The following ASIC2 variants were observed in gnomAD, a reference collection of about 807,000 sequenced individuals.
The protein encoded by ASIC2 is acid sensing ion channel subunit 2, also known as acid-sensing ion channel 2.
A neutral mutation model predicts 57.3 loss-of-function variants in ASIC2; 25 were observed. That is an observed-to-expected ratio of 0.44 (90% confidence interval 0.32 to 0.61). ASIC2 has a LOEUF of 0.61. ASIC2 is among the 20% of genes least tolerant of loss of function. The pLI, the probability that ASIC2 is intolerant of heterozygous loss-of-function variation, is 0.06. For missense variants in ASIC2, 641 were observed against 738.1 expected (o/e 0.87, Z 1.52); for synonymous variants, 319 against 307.5 (o/e 1.04, Z -0.39).
intron 3 of ASIC2, among the ~76,000 whole-genome samples, chr17:33,069,946 G>T (rs2092060951): frequency 6.6e-6 from 1 of 152,076 alleles, no homozygotes; most frequent in African/African-American, 2.4e-5. Flanking sequence ...TCCAACTGCA[G>T]TAAATGAAGA....
chr17:33,982,209 G>A (rs1489876403), intron 1 of ASIC2, among the ~76,000 whole-genome samples: 2 of 152,198 alleles, frequency 1.3e-5, no homozygotes, highest in Non-Finnish European at 2.9e-5. Context: ...TTGCAGCACT[G>A]GGCTGAGAGC....
chr17:34,009,287 T>C (rs1906633905), intron 1 of ASIC2, among the ~76,000 whole-genome samples: 1 of 152,116 alleles, frequency 6.6e-6, no homozygotes, highest in Admixed American at 6.5e-5. Flanking sequence ...ATTCCTTGTG[T>C]CTAGCAGCAG....
intron 1 of ASIC2, among the ~76,000 whole-genome samples, chr17:33,214,014 T>C (rs1436881671): frequency 6.6e-6 from 1 of 151,878 alleles, no homozygotes; most frequent in Non-Finnish European, 1.5e-5. Context: ...GATGGTATAA[T>C]GTGCACACTT....
intron 1 of ASIC2, among the ~76,000 whole-genome samples, chr17:33,881,390 A>G (rs1914696741): frequency 1.3e-5 from 2 of 152,118 alleles, no homozygotes; most frequent in Non-Finnish European, 2.9e-5. Flanking sequence ...ATCTCCTTAA[A>G]CTGATAGGCA....
chr17:33,743,181 T>A lies in ASIC2; in HGVS notation c.555+412797A>T, dbSNP rs539713476. ...CAAGCAACACTGGTGAAACTACTTT[T>A]AAAAAAATCCAAATTATTTAAAGTC... On this transcript the variant is annotated intron_variant, in intron 1 of 9. Transcript: ENST00000359872. Among the ~76,000 whole-genome samples the A allele has an allele frequency of 6.4e-4, 98 of 152,360 alleles. 1 individual carries two copies. Among genetic ancestry groups the A allele is most frequent in the African/African-American group, 1.9e-3 (80 of 41,580 alleles).
intron 1 of ASIC2, among the ~76,000 whole-genome samples, chr17:33,216,001 A>T (rs768881623): frequency 6.6e-6 from 1 of 152,250 alleles, no homozygotes; most frequent in African/African-American, 2.4e-5. Context: ...GCCCGGCCAC[A>T]TGTGGCTTTT....
intron 1 of ASIC2, among the ~76,000 whole-genome samples, chr17:33,887,388 T>C (rs1025452461): frequency 6.6e-6 from 1 of 151,972 alleles, no homozygotes; most frequent in Non-Finnish European, 1.5e-5. Flanking sequence ...CTCTTTGGGG[T>C]CCTAGAAGAA....
chr17:33,074,487 A>C (rs563072148), intron 3 of ASIC2, among the ~76,000 whole-genome samples: 2 of 151,998 alleles, frequency 1.3e-5, no homozygotes, highest in African/African-American at 4.8e-5. Context: ...TTCCTTCCCG[A>C]GCACCTGGGG....
At chr17:34,035,262 G>A (rs1358127531) in intron 1 of ASIC2, among the ~76,000 whole-genome samples, 2 of 145,154 alleles carry the variant, frequency 1.4e-5, no homozygotes, top group African/African-American at 5.5e-5. Context: ...AATGGGGAAA[G>A]GATTCCCTAT....
At chr17:33,870,212 A>T in intron 1 of ASIC2, among the ~76,000 whole-genome samples, 2 of 134,336 alleles carry the variant, frequency 1.5e-5, no homozygotes, top group African/African-American at 2.8e-5. Context: ...GTGGGCTGTG[A>T]TGAGAAATTC....
At chr17:33,197,893 C>T (rs112977029) in intron 1 of ASIC2, among the ~76,000 whole-genome samples, 2 of 152,232 alleles carry the variant, frequency 1.3e-5, no homozygotes, top group Admixed American at 6.5e-5. Context: ...TAGTTGTTGG[C>T]TGGATTCAAA....
intron 1 of ASIC2, among the ~76,000 whole-genome samples, chr17:33,703,233 G>A (rs1396857860): frequency 6.6e-6 from 1 of 152,174 alleles, no homozygotes; most frequent in African/African-American, 2.4e-5. Context: ...TGAGGCTGGA[G>A]AGATGGGAGC....
intron 1 of ASIC2, among the ~76,000 whole-genome samples, chr17:34,044,126 G>A (rs62058977): frequency 0.018 from 921 of 51,704 alleles, 11 homozygotes; most frequent in African/African-American, 0.12. Context: ...ACACACACAC[G>A]CACGCACACA....
intron 3 of ASIC2, among the ~76,000 whole-genome samples, chr17:33,071,652 T>C (rs1418070110): frequency 6.6e-6 from 1 of 152,210 alleles, no homozygotes; most frequent in Non-Finnish European, 1.5e-5. Flanking sequence ...TTTAACATGT[T>C]GGGTATTGAA....
In ASIC2 at chr17:34,156,284, G is replaced by A; in HGVS notation, c.249C>T (p.Ser83=). The change falls in exon 1 of 10, where the codon AGC becomes AGT. Residue 83 remains serine (S), a synonymous_variant. Coordinates refer to the ASIC2 transcript ENST00000359872. The surrounding 1 kb of genome is among the most constrained non-coding windows in gnomAD (Gnocchi z 4.4). ...AGAGGGTCACAGCTGGGAAGACCAG[G>A]CTTTGAGCCACCACTTCGTCCACCT... 1 of 1,614,170 alleles carries A rather than the reference G, an allele frequency of 6.2e-7. No individual in the cohort carries two copies. The highest frequency in any genetic ancestry group is 1.1e-5 in the South Asian group (1 of 91,084).
At chr17:33,722,768 AAAC>A (rs1346158261) in intron 1 of ASIC2, among the ~76,000 whole-genome samples, 1 of 152,162 alleles carries the variant, frequency 6.6e-6, no homozygotes, top group Non-Finnish European at 1.5e-5. Context: ...GTCTCTAATA[AAAC>A]AACAATGGCA....
intron 1 of ASIC2, among the ~76,000 whole-genome samples, chr17:33,989,927 G>C (rs1006190132): frequency 6.6e-6 from 1 of 152,196 alleles, no homozygotes; most frequent in African/African-American, 2.4e-5. Flanking sequence ...GCAGTGGGAA[G>C]AAGGGGAAAG....
At chr17:33,930,042 T>G (rs1915898759) in intron 1 of ASIC2, among the ~76,000 whole-genome samples, 1 of 152,220 alleles carries the variant, frequency 6.6e-6, no homozygotes, top group Non-Finnish European at 1.5e-5. Flanking sequence ...GACAAACTTT[T>G]TGCTTTAGTC....
chr17:33,926,638 C>T (rs55840118), intron 1 of ASIC2, among the ~76,000 whole-genome samples: 41,891 of 152,184 alleles, frequency 0.28, 6,942 homozygotes, highest in Admixed American at 0.38. Flanking sequence ...CTACCTAAAG[C>T]AACCATTTTC....
Sources: gnomAD v4.1 joint callset for allele counts (sites outside exome capture counted in the v4.1 genomes callset) on GRCh38, gnomAD v4.1.1 for gene constraint, Gnocchi (gnomAD v3.1) non-coding constraint, MANE v1.5 for transcripts, NCBI Gene and HGNC (gene_info 2026-07-23, HGNC 2026-07-21) for gene names.